TSHZ2: variants seen among roughly 807,000 people sequenced by gnomAD.
TSHZ2 encodes teashirt homolog 2.
TSHZ2 carries 21 observed loss-of-function variants against 74.4 expected under a neutral mutation model. The ratio of observed to expected loss-of-function variants is 0.28; its 90% CI spans 0.20 to 0.41. The LOEUF (loss-of-function observed/expected upper bound fraction) is 0.41. Ranked by LOEUF, TSHZ2 falls within the 10% of genes least tolerant of loss-of-function variation. TSHZ2 has a pLI of 1.00. For missense variants in TSHZ2, 1,244 were observed against 1,293.5 expected (o/e 0.96, Z 0.59); for synonymous variants, 540 against 515.3 (o/e 1.05, Z -0.65).
chr20:53,018,312 T>C (rs1254928092), intron 1 of TSHZ2, among the ~76,000 whole-genome samples: 1 of 152,192 alleles, frequency 6.6e-6, no homozygotes, highest in African/African-American at 2.4e-5. Flanking sequence ...TCACTGGGAA[T>C]AGACCACCTT....
At chr20:53,329,094 G>A (rs1979612864) in intron 2 of TSHZ2, among the ~76,000 whole-genome samples, 1 of 152,208 alleles carries the variant, frequency 6.6e-6, no homozygotes, top group Admixed American at 6.5e-5. Flanking sequence ...GCCATCGGAA[G>A]GGTTTCAAGC....
intron 1 of TSHZ2, among the ~76,000 whole-genome samples, chr20:53,250,450 A>G (rs1229952520): frequency 6.6e-6 from 1 of 152,204 alleles, no homozygotes; most frequent in East Asian, 1.9e-4. Context: ...ACTTAAGTCA[A>G]GTGAACAGTT....
intron 2 of TSHZ2, among the ~76,000 whole-genome samples, chr20:53,265,018 A>G (rs892104199): frequency 5.3e-5 from 8 of 152,190 alleles, no homozygotes; most frequent in African/African-American, 1.9e-4. Context: ...CCAACCACCG[A>G]AGGCGAGAGC....
intron 1 of TSHZ2, among the ~76,000 whole-genome samples, chr20:52,992,477 C>T (rs1453141499): frequency 6.6e-6 from 1 of 152,156 alleles, no homozygotes; most frequent in Non-Finnish European, 1.5e-5. Flanking sequence ...TTTATTCTTC[C>T]TCTGTGGATC....
At chr20:53,073,769 A>C (rs1985279456) in intron 1 of TSHZ2, among the ~76,000 whole-genome samples, 1 of 151,514 alleles carries the variant, frequency 6.6e-6, no homozygotes, top group Non-Finnish European at 1.5e-5. Flanking sequence ...AAAAAAAAAA[A>C]CTGGTCTATT....
intron 2 of TSHZ2, among the ~76,000 whole-genome samples, chr20:53,268,336 T>A (rs1407240176): frequency 6.6e-6 from 1 of 152,168 alleles, no homozygotes; most frequent in East Asian, 1.9e-4. Flanking sequence ...TGGGGGTGGA[T>A]CTTTATAATT....
chr20:53,177,947 G>T (rs1988384787), intron 1 of TSHZ2, among the ~76,000 whole-genome samples: 2 of 152,100 alleles, frequency 1.3e-5, no homozygotes, highest in South Asian at 2.1e-4. Flanking sequence ...CACAGTGCCT[G>T]GTGCATTGTA....
chr20:53,119,160 C>G (rs76959771), intron 1 of TSHZ2, among the ~76,000 whole-genome samples: 22 of 152,084 alleles, frequency 1.4e-4, no homozygotes, highest in Non-Finnish European at 3.1e-4. Context: ...GACACAGATC[C>G]AAACCCTTTC....
intron 2 of TSHZ2, among the ~76,000 whole-genome samples, chr20:53,486,535 T>C (rs1174279388): frequency 6.6e-6 from 1 of 151,940 alleles, no homozygotes; most frequent in Middle Eastern, 3.4e-3. Flanking sequence ...ATAAACCTAG[T>C]CAGGCATGAT....
At chr20:53,341,714 G>T (rs1387545245) in intron 2 of TSHZ2, among the ~76,000 whole-genome samples, 1 of 151,990 alleles carries the variant, frequency 6.6e-6, no homozygotes, top group Non-Finnish European at 1.5e-5. Context: ...TTGTGGGGCA[G>T]GGGGGTGCGG....
chr20:53,243,389 G>C (rs978701552), intron 1 of TSHZ2, among the ~76,000 whole-genome samples: 26 of 152,190 alleles, frequency 1.7e-4, no homozygotes, highest in Admixed American at 2.0e-4. Context: ...GTACCTGACA[G>C]AAGTGTTGAT....
chr20:53,181,569 A>C (rs1988469082), intron 1 of TSHZ2, among the ~76,000 whole-genome samples: 1 of 152,196 alleles, frequency 6.6e-6, no homozygotes, highest in African/African-American at 2.4e-5. Flanking sequence ...AGTGAGGAGT[A>C]GGGGGTCGTT....
chr20:53,390,220 G>C (rs1386587422), intron 2 of TSHZ2, among the ~76,000 whole-genome samples: 1 of 152,218 alleles, frequency 6.6e-6, no homozygotes, highest in Non-Finnish European at 1.5e-5. Flanking sequence ...GTTGGCACTG[G>C]ATTACTTGGT....
chr20:52,981,788 C>G (rs1003190132), intron 1 of TSHZ2, among the ~76,000 whole-genome samples: 1 of 152,192 alleles, frequency 6.6e-6, no homozygotes, highest in Non-Finnish European at 1.5e-5. Context: ...ACAATGGTAA[C>G]AATGATATCT....
chr20:53,292,809 T>C (rs953887727), intron 2 of TSHZ2, among the ~76,000 whole-genome samples: 1 of 152,196 alleles, frequency 6.6e-6, no homozygotes. Context: ...TCCCCCTCAA[T>C]GGCCCTGTTA....
At chr20:53,324,640 TG>T (rs1430508604) in intron 2 of TSHZ2, among the ~76,000 whole-genome samples, 2 of 152,200 alleles carry the variant, frequency 1.3e-5, no homozygotes, top group Non-Finnish European at 2.9e-5. Context: ...CCTCCCAAAG[TG>T]CTGGACAGAT....
rs150513010 is a variant in TSHZ2, at chr20:53,219,693, T to C, written c.41-33806T>C. ...TAAAGAGCTCCAGCGATCAAAGAAG[T>C]TACCTATACTCAGCCACAGCCAATT... On this transcript the variant is annotated intron_variant, in intron 1 of 2. Transcript: ENST00000371497. 1.7e-3 allele frequency among the ~76,000 whole-genome samples: 265 copies of C among 152,246 alleles called. 2 individuals are homozygous for C. The highest frequency in any genetic ancestry group is 4.3e-3 in the Admixed American group (65 of 15,292).
chr20:53,109,156 C>T (rs1986461088), intron 1 of TSHZ2, among the ~76,000 whole-genome samples: 1 of 152,158 alleles, frequency 6.6e-6, no homozygotes, highest in Non-Finnish European at 1.5e-5. Context: ...TACAAAAATA[C>T]ACTTCCGTAC....
At chr20:53,457,192 A>G (rs551086773) in intron 2 of TSHZ2, among the ~76,000 whole-genome samples, 4 of 144,652 alleles carry the variant, frequency 2.8e-5, no homozygotes, top group African/African-American at 1.1e-4. Context: ...ACCCATGAGC[A>G]TGGAATGTTC....
Sources: gnomAD v4.1 joint callset for allele counts (sites outside exome capture counted in the v4.1 genomes callset) on GRCh38, gnomAD v4.1.1 for gene constraint, MANE v1.5 for transcripts, NCBI Gene and HGNC (gene_info 2026-07-23, HGNC 2026-07-21) for gene names.